The following AMPD2 variants were observed in gnomAD, a reference collection of about 807,000 sequenced individuals.
AMPD2 encodes AMP deaminase 2.
Under a neutral mutation model 91.3 loss-of-function variants are expected in AMPD2, and 52 were observed. The observed-to-expected ratio is 0.57, with a 90% CI of 0.46 to 0.72. The LOEUF is 0.72. Among genes scored for constraint, AMPD2 ranks in the 30% least tolerant of loss-of-function variants. The pLI, the probability that AMPD2 is intolerant of heterozygous loss-of-function variation, is 0.00. For missense variants in AMPD2, 822 were observed against 1,122.3 expected, an observed-to-expected ratio of 0.73 and a Z score of 3.82; for synonymous variants, 455 against 456.4, an observed-to-expected ratio of 1.00 and a Z score of 0.04.
rs773353386 is a variant in AMPD2 at position 109,628,148 on chromosome 1, G to A, written c.1146G>A (p.Arg382=). 84 of 1,614,000 alleles carry A rather than the reference G, an allele frequency of 5.2e-5. 1 individual carries two copies. Among genetic ancestry groups the A allele is most frequent in the South Asian group, 4.6e-4 (42 of 91,088 alleles). The change falls in exon 11 of 19, where the codon CGG becomes CGA. Residue 382 remains arginine (R), a synonymous_variant. Coordinates refer to ENST00000528667, the MANE Select transcript of AMPD2 (RefSeq NM_001368809.2). The surrounding 1 kb of genome is among the most constrained non-coding windows in gnomAD (Gnocchi z 7.1). ...AGCATCTGCTGCGCTTCATCAAGCG[G>A]GCAATGAAGCGGCACCTGGAGGAGA... is the stretch of plus-strand genomic sequence containing the variant. ...NQKHLLRFIK[R]AMKRHLEEIV...
intron 16 of AMPD2, 26 bp from the exon 17 acceptor site, chr1:109,630,207 G>T (rs774104716): frequency 3.1e-6 from 5 of 1,608,710 alleles, no homozygotes; most frequent in Non-Finnish European, 4.2e-6. Context: ...CACCTGACAG[G>T]CCCTCCCTCC....
In AMPD2 at chr1:109,626,090, C is replaced by T. The variant is rs1043847124; in HGVS notation, c.354-70C>T. On this transcript the variant is annotated intron_variant, in intron 4 of 18. Transcript: ENST00000528667. ...GACAACATGTGCACAGCACCTAGTG[C>T]GGTGCTGGGACCTGGGAGCAAGGGC... 28 of 1,483,446 alleles carry T rather than the reference C, an allele frequency of 1.9e-5. No individual in the cohort carries two copies. The Middle Eastern group carries it at 5.3e-4, about 28-fold the overall frequency. The allele number at this position is 1,483,446 out of a possible 1,614,324, so 91.9% of individuals were successfully genotyped here.
In AMPD2 at chr1:109,627,483, C is replaced by T; in HGVS notation, c.915C>T (p.Val305=). Residue 305 remains valine (V), a synonymous_variant, in exon 9 of 19, where the codon GTC becomes GTT. Transcript: ENST00000528667. ...YPDLQEFVAD[V]NVLMALIING... ...ACCTGCAGGAATTTGTGGCTGACGT[C>T]AATGTGCTGATGGCCCTGATTATCA... The T allele has an allele frequency of 6.2e-7, 1 of 1,614,068 alleles. No individual in the cohort carries two copies. The highest frequency in any genetic ancestry group is 2.2e-5 in the East Asian group (1 of 44,892).
In AMPD2 at chr1:109,626,143, A is replaced by G; in HGVS notation, c.354-17A>G. The stretch of plus-strand genomic sequence containing the variant: ...TCCCTCGGGATCTGCCTGACTTCTC[A>G]CCCCTCTTGCCTCTAGGCTGGAGCC... On this transcript the variant is annotated splice_polypyrimidine_tract_variant and intron_variant, in intron 4 of 18. Transcript: ENST00000528667. The G allele has an allele frequency of 6.2e-7, 1 of 1,613,730 alleles. No individual in the cohort carries two copies. The highest frequency in any genetic ancestry group is 1.1e-5 in the South Asian group (1 of 91,036).
chr1:109,628,636 T>C lies in AMPD2; in HGVS notation c.1408-7T>C. ...CTCATGTCTGACTCAGCTCACCTCA[T>C]GTCTAGGAGGTGATGTCAGACCTGG... On this transcript the variant is annotated splice_polypyrimidine_tract_variant and splice_region_variant and intron_variant, in intron 12 of 18. Coordinates refer to ENST00000528667, the MANE Select transcript of AMPD2 (RefSeq NM_001368809.2). This position sits in a 1 kb window ranked among gnomAD's most constrained non-coding sequence, Gnocchi z 7.1. 4 of 1,613,272 alleles carry C rather than the reference T, an allele frequency of 2.5e-6. No individual in the cohort carries two copies. Among genetic ancestry groups the C allele is most frequent in the Non-Finnish European group, 3.4e-6 (4 of 1,179,578 alleles).
At chr1:109,620,723 G>A in intron 1 of AMPD2, 191 bp from the exon 2 acceptor site, 1 of 1,226,528 alleles carries the variant, frequency 8.2e-7, no homozygotes, top group Non-Finnish European at 1.0e-6. Flanking sequence ...GGACTCGCTC[G>A]CTGCTGAATT....
chr1:109,627,418 C>G lies in AMPD2; in HGVS notation c.861-11C>G. On this transcript the variant is annotated splice_polypyrimidine_tract_variant and intron_variant, in intron 8 of 18. Coordinates refer to ENST00000528667, the MANE Select transcript of AMPD2 (RefSeq NM_001368809.2). ...GCTTGCTCTCCTCACCCAAGCTCCC[C>G]TCCATGCCAGTTGCTCAGAGGTGGA... The G allele has an allele frequency of 6.2e-7, 1 of 1,614,104 alleles. No homozygotes were observed. The highest frequency in any genetic ancestry group is 8.5e-7 in the Non-Finnish European group (1 of 1,179,986).
chr1:109,630,142 C>T (rs1651086393), intron 16 of AMPD2, 91 bp from the exon 17 acceptor site: 1 of 1,440,020 alleles, frequency 6.9e-7, no homozygotes, highest in African/African-American at 1.4e-5. Context: ...CCTCCCCCTG[C>T]CCTCTGCTGT....
chr1:109,630,885 TG>T, intron 18 of AMPD2, 57 bp from the exon 19 acceptor site: 1 of 1,603,894 alleles, frequency 6.2e-7, no homozygotes, highest in Non-Finnish European at 8.5e-7. Context: ...TGGCTTGGGG[TG>T]GGGCATGACC....
intron 2 of AMPD2, 163 bp downstream of exon 2, chr1:109,621,429 T>TGG: frequency 1.4e-5 from 2 of 139,164 alleles, no homozygotes; most frequent in Non-Finnish European, 2.9e-5. Flanking sequence ...GAAGGTGGGG[T>TGG]GAGGGGTGGT....
intron 2 of AMPD2, among the ~76,000 whole-genome samples, chr1:109,623,273 G>A (rs1650401182): frequency 6.6e-6 from 1 of 152,204 alleles, no homozygotes; most frequent in African/African-American, 2.4e-5. Flanking sequence ...CCCACTTGTA[G>A]ATGAGGACCC....
chr1:109,629,454 C>A lies in AMPD2; in HGVS notation c.1826C>A (p.Thr609Asn). The A allele has an allele frequency of 6.2e-7, 1 of 1,614,088 alleles. No homozygotes were observed. The highest frequency in any genetic ancestry group is 8.5e-7 in the Non-Finnish European group (1 of 1,180,000). ...NPPYAYYLYYTFANMAMLNHL... is the reference protein window; with the variant it reads ...NPPYAYYLYYNFANMAMLNHL... Reference sequence around the variant, plus strand: ...CCCTATGCCTACTACCTGTACTACACCTTTGCCAACATGGCCATGTTGAAC... The same window carrying A: ...CCCTATGCCTACTACCTGTACTACAACTTTGCCAACATGGCCATGTTGAAC... Residue 609 changes from threonine to asparagine, a missense_variant, in exon 15 of 19, where the codon ACC (threonine) becomes AAC (asparagine). This residue lies in a region of AMPD2 where 430 missense variants were observed against 606.0 expected (regional missense o/e 0.71). Transcript: ENST00000528667.
chr1:109,627,006 C>T lies in AMPD2; in HGVS notation c.718+94C>T, dbSNP rs545213228. On this transcript the variant is annotated intron_variant, in intron 7 of 18. Coordinates refer to ENST00000528667, the MANE Select transcript of AMPD2 (RefSeq NM_001368809.2). ...GCACCTCTGCCCTGCCTGCCTCTCC[C>T]TACAACCCAGGCTCATTCCAACCTC... 1.7e-5 allele frequency: 27 copies of T among 1,548,828 alleles called. No individual in the cohort carries two copies. The Admixed American group carries it at 2.9e-4, about 17-fold the overall frequency.
chr1:109,630,833 C>T (rs1360226026), intron 18 of AMPD2, 40 bp downstream of exon 18: 4 of 1,591,830 alleles, frequency 2.5e-6, no homozygotes, highest in Non-Finnish European at 3.4e-6. Flanking sequence ...TGGCATCACT[C>T]CTCCCCTCCT....
Position 109,625,571 on chromosome 1 carries a change from G to C in AMPD2, c.223-91G>C. The C allele has an allele frequency of 3.8e-6, 6 of 1,596,620 alleles. No individual in the cohort carries two copies. The highest frequency in any genetic ancestry group is 5.1e-6 in the Non-Finnish European group (6 of 1,167,948). On this transcript the variant is annotated intron_variant, in intron 3 of 18. Coordinates refer to ENST00000528667, the MANE Select transcript of AMPD2 (RefSeq NM_001368809.2). The surrounding 1 kb of genome is among the most constrained non-coding windows in gnomAD (Gnocchi z 4.0). ...CCTCAGCCTCTCCCAGGTACCCCTG[G>C]TCCTGCTGCCCTCACCCCATCCCCA...
At position 109,625,793 on chromosome 1, in the gene AMPD2, G is replaced by A. The variant is rs1205684321; in HGVS notation, c.353+1G>A. 6.2e-7 allele frequency: 1 copy of A among 1,614,038 alleles called. No homozygotes were observed. Among genetic ancestry groups the A allele is most frequent in the Non-Finnish European group, 8.5e-7 (1 of 1,180,008 alleles). ...AGCGGCAGATCAGCCAGGATGTCAA[G>A]TGAGCCCGGCAGGCAGCTGCTTAGT... On this transcript the variant is annotated splice_donor_variant, in intron 4 of 18. Coordinates refer to ENST00000528667, the MANE Select transcript of AMPD2 (RefSeq NM_001368809.2). LOFTEE classifies it high-confidence loss of function. The surrounding 1 kb of genome is among the most constrained non-coding windows in gnomAD (Gnocchi z 4.0).
At chr1:109,630,051 C>G in intron 16 of AMPD2, 135 bp downstream of exon 16, 1 of 1,430,922 alleles carries the variant, frequency 7.0e-7, no homozygotes, top group Non-Finnish European at 9.5e-7. Context: ...ACTACCCTTC[C>G]CCACCCCAGC....
rs1650140534 is a variant in AMPD2, at chr1:109,620,382, G to A, written c.-263+104G>A. The A allele has an allele frequency of 1.3e-5, 20 of 1,541,462 alleles. No homozygotes were observed. In the South Asian group the frequency reaches 1.9e-4, roughly 15 times the overall value. ...GTCACAGCACAGCAGCAGGACCTAG[G>A]GAAGGCGGTCAGCTCCTCCCAGGAG... On this transcript the variant is annotated intron_variant, in intron 1 of 18. Coordinates refer to ENST00000528667, the MANE Select transcript of AMPD2 (RefSeq NM_001368809.2).
In AMPD2 at chr1:109,631,642, T is replaced by G. The variant is rs575705239; in HGVS notation, c.*490T>G. On this transcript the variant is annotated 3_prime_UTR_variant, in exon 19 of 19. Coordinates refer to ENST00000528667, the MANE Select transcript of AMPD2 (RefSeq NM_001368809.2). ...AGGGTCTGTGGAACTCCAGCAGCTC[T>G]GCACTGGGTAGAGCTGGGCCTAGAG... 83 of 211,518 alleles carry G rather than the reference T, an allele frequency of 3.9e-4. No homozygotes were observed. The highest frequency in any genetic ancestry group is 1.7e-3 in the African/African-American group (72 of 43,358). 13.1% of individuals were successfully genotyped at this position (211,518 alleles called of 1,614,324 possible).
Sources: allele counts gnomAD v4.1 joint callset (sites outside exome capture counted in the v4.1 genomes callset), GRCh38; gene constraint gnomAD v4.1.1; regional missense constraint gnomAD v4.1.1; non-coding constraint Gnocchi (gnomAD v3.1); transcripts MANE v1.5; gene names NCBI Gene and HGNC (gene_info 2026-07-23, HGNC 2026-07-21).